The following CPN1 variants were observed in gnomAD, a reference collection of about 807,000 sequenced individuals.
CPN1 encodes the protein carboxypeptidase N catalytic chain.
CPN1 carries 37 observed loss-of-function variants against 46.4 expected under a neutral mutation model. The observed-to-expected ratio is 0.80, with a 90% CI of 0.61 to 1.05. The LOEUF is 1.05. Ranked by LOEUF, CPN1 falls within the 50% of genes least tolerant of loss-of-function variation. The pLI is 0.00. For missense variants in CPN1, 563 were observed against 602.6 expected (o/e 0.93, Z 0.69); for synonymous variants, 224 against 235.4 (o/e 0.95, Z 0.44).
intron 2 of CPN1, among the ~76,000 whole-genome samples, chr10:100,075,238 C>T (rs935591275): frequency 4.6e-5 from 7 of 152,068 alleles, no homozygotes; most frequent in Non-Finnish European, 7.4e-5. Flanking sequence ...CGCAGTGAGC[C>T]GAGATCGCAC....
chr10:100,051,740 G>T (rs2041355295), intron 7 of CPN1, among the ~76,000 whole-genome samples: 1 of 151,982 alleles, frequency 6.6e-6, no homozygotes, highest in Non-Finnish European at 1.5e-5. Flanking sequence ...CGTAGGCCAG[G>T]CTGGTCTTGA....
At position 100,075,981 on chromosome 10, in the gene CPN1, AGCTGGACGATGC is replaced by A; in HGVS notation, c.338_349del (p.Arg113_Gln116del). The A allele has an allele frequency of 6.2e-7, 1 of 1,614,176 alleles. No individual in the cohort carries two copies. The highest frequency in any genetic ancestry group is 1.1e-5 in the South Asian group (1 of 91,080). On this transcript the variant is annotated inframe_deletion, in exon 2 of 9. Transcript: ENST00000370418. ...GATGTGAATGCGCGTGTCCTGGATG[AGCTGGACGATGC>A]GCTGGTTCCTGTTCCGGAACTCCTC...
chr10:100,047,890 G>C (rs970588490), intron 8 of CPN1, among the ~76,000 whole-genome samples: 1 of 152,112 alleles, frequency 6.6e-6, no homozygotes, highest in Non-Finnish European at 1.5e-5. Context: ...TACTCAAGAG[G>C]CTGAGGCAGG....
chr10:100,059,678 G>T lies in CPN1; in HGVS notation c.872-2526C>A, dbSNP rs72840177. Among the ~76,000 whole-genome samples, 423 of 151,082 alleles carry T rather than the reference G, an allele frequency of 2.8e-3. 1 individual carries two copies. Among genetic ancestry groups the T allele is most frequent in the Non-Finnish European group, 4.7e-3 (319 of 67,894 alleles). On this transcript the variant is annotated intron_variant, in intron 5 of 8. Transcript: ENST00000370418. ...TGGTGTTTTCTATGGAAAACAGTATGGTAGTTCCTCAAAAAAATTAAAAAT... is the reference window on the plus strand; with the variant it reads ...TGGTGTTTTCTATGGAAAACAGTATTGTAGTTCCTCAAAAAAATTAAAAAT...
chr10:100,069,579 T>G, intron 3 of CPN1, 135 bp downstream of exon 3: 1 of 1,019,188 alleles, frequency 9.8e-7, no homozygotes. Context: ...ATTATTGCTC[T>G]AGATGGGTTA....
intron 3 of CPN1, among the ~76,000 whole-genome samples, chr10:100,067,301 G>A (rs1348199771): frequency 1.3e-5 from 2 of 152,018 alleles, no homozygotes; most frequent in African/African-American, 4.8e-5. Context: ...ATTTTTAGTA[G>A]GATGGGGTTT....
At position 100,065,219 on chromosome 10, in the gene CPN1, G is replaced by A; in HGVS notation, c.728C>T (p.Thr243Ile). Residue 243 changes from threonine to isoleucine, a missense_variant, in exon 4 of 9, where the codon ACC becomes ATC. Transcript: ENST00000370418. ...RVRGVRRTAS[T>I]PTPDDKLFQK... ...GAAGAGCTTGTCGTCAGGCGTGGGGGTGCTGGCGGTGCGGCGGACCCCTCG... is the reference window on the plus strand; with the variant it reads ...GAAGAGCTTGTCGTCAGGCGTGGGGATGCTGGCGGTGCGGCGGACCCCTCG... 6.2e-7 allele frequency: 1 copy of A among 1,614,004 alleles called. No individual in the cohort carries two copies. Among genetic ancestry groups the A allele is most frequent in the Non-Finnish European group, 8.5e-7 (1 of 1,179,896 alleles).
intron 7 of CPN1, among the ~76,000 whole-genome samples, chr10:100,051,003 C>T (rs1021574769): frequency 3.6e-4 from 54 of 152,088 alleles, no homozygotes; most frequent in African/African-American, 1.2e-3. Context: ...CCAGCCTGGG[C>T]GACAGAGCGA....
At chr10:100,064,535 C>T (rs977513228) in intron 4 of CPN1, among the ~76,000 whole-genome samples, 3 of 151,550 alleles carry the variant, frequency 2.0e-5, no homozygotes, top group East Asian at 1.9e-4. Context: ...CACCCACCAC[C>T]GTGCCTGGTT....
At chr10:100,078,101 A>G (rs2041525616) in intron 1 of CPN1, among the ~76,000 whole-genome samples, 2 of 151,954 alleles carry the variant, frequency 1.3e-5, no homozygotes, top group South Asian at 4.1e-4. Context: ...GCTGGAGTGC[A>G]GTGGCACAAT....
At chr10:100,058,958 T>G (rs1478597520) in intron 5 of CPN1, among the ~76,000 whole-genome samples, 1 of 152,148 alleles carries the variant, frequency 6.6e-6, no homozygotes, top group East Asian at 1.9e-4. Flanking sequence ...TGTCAACAAA[T>G]GGTGCTGGAG....
intron 2 of CPN1, among the ~76,000 whole-genome samples, chr10:100,074,676 C>G (rs1275533630): frequency 6.6e-6 from 1 of 152,126 alleles, no homozygotes. Flanking sequence ...CTCAGCCTCC[C>G]AAAGTGCTGG....
chr10:100,076,263 T>C lies in CPN1; in HGVS notation c.224-156A>G, dbSNP rs908704485. On this transcript the variant is annotated intron_variant, in intron 1 of 8. Coordinates refer to ENST00000370418, the MANE Select transcript of CPN1 (RefSeq NM_001308.3). ...AATCCCTGAGCCCCTTCCTAACCAA[T>C]TACAGTTACAAAACCTACAAAAATT... Among the ~76,000 whole-genome samples the C allele has an allele frequency of 4.3e-4, 65 of 152,158 alleles. 1 individual carries two copies. Among genetic ancestry groups the C allele is most frequent in the African/African-American group, 1.5e-3 (63 of 41,448 alleles).
At chr10:100,068,456 G>T (rs534438459) in intron 3 of CPN1, among the ~76,000 whole-genome samples, 4 of 151,812 alleles carry the variant, frequency 2.6e-5, no homozygotes, top group African/African-American at 9.7e-5. Context: ...CTCGTGATCC[G>T]CCCGCCTCGG....
intron 1 of CPN1, among the ~76,000 whole-genome samples, chr10:100,078,059 A>T (rs866772284): frequency 2.0e-5 from 3 of 151,390 alleles, no homozygotes; most frequent in Middle Eastern, 3.4e-3. Context: ...CTTTTTTTTA[A>T]TTTAGAGACA....
chr10:100,081,770 G>C lies in CPN1; in HGVS notation c.-145C>G. ...AATTGGAAGACGTTCCCAGCTGTCCGTCCAAGGCTGGAAATTCTTTATGTC... is the reference window on the plus strand; with the variant it reads ...AATTGGAAGACGTTCCCAGCTGTCCCTCCAAGGCTGGAAATTCTTTATGTC... On this transcript the variant is annotated 5_prime_UTR_variant, in exon 1 of 9. Coordinates refer to ENST00000370418, the MANE Select transcript of CPN1 (RefSeq NM_001308.3). The C allele has an allele frequency of 1.4e-6, 1 of 705,976 alleles. No individual in the cohort carries two copies. The highest frequency in any genetic ancestry group is 2.5e-6 in the Non-Finnish European group (1 of 394,210). 43.7% of individuals were successfully genotyped at this position (705,976 alleles called of 1,614,324 possible).
intron 2 of CPN1, among the ~76,000 whole-genome samples, chr10:100,072,723 G>A (rs1336367464): frequency 1.3e-5 from 2 of 152,172 alleles, no homozygotes; most frequent in Non-Finnish European, 2.9e-5. Flanking sequence ...AGAGCTCTCA[G>A]ATAGACACTG....
At chr10:100,067,463 T>C (rs570341909) in intron 3 of CPN1, among the ~76,000 whole-genome samples, 62 of 152,224 alleles carry the variant, frequency 4.1e-4, no homozygotes, top group Non-Finnish European at 7.5e-4. Flanking sequence ...AAGAGGATAG[T>C]TGCTGTTTGA....
chr10:100,053,587 T>C (rs2041367692), intron 7 of CPN1, among the ~76,000 whole-genome samples: 1 of 150,088 alleles, frequency 6.7e-6, no homozygotes, highest in Admixed American at 6.7e-5. Context: ...ACCATTGCCC[T>C]CCAGCCTGGA....
Sources: gnomAD v4.1 joint callset for allele counts (sites outside exome capture counted in the v4.1 genomes callset) on GRCh38, gnomAD v4.1.1 for gene constraint, MANE v1.5 for transcripts, NCBI Gene and HGNC (gene_info 2026-07-23, HGNC 2026-07-21) for gene names.